NXPE1: variants seen among roughly 807,000 people sequenced by gnomAD.
NXPE1 encodes neurexophilin and PC-esterase domain family member 1, also known as NXPE family member 1.
A neutral mutation model predicts 33.3 loss-of-function variants in NXPE1; 31 were observed. That is an observed-to-expected ratio of 0.93 (90% CI 0.70 to 1.26). The LOEUF is 1.26. NXPE1 is among the 50% of genes most tolerant of loss of function. The pLI, the probability that NXPE1 is intolerant of heterozygous loss-of-function variation, is 0.00. For missense variants in NXPE1, 661 were observed against 655.6 expected, an observed-to-expected ratio of 1.01 and a Z score of -0.09; for synonymous variants, 229 against 231.4, an observed-to-expected ratio of 0.99 and a Z score of 0.09.
At chr11:114,522,625 T>C in intron 8 of NXPE1, 122 bp from the exon 9 acceptor site, 1 of 840,104 alleles carries the variant, frequency 1.2e-6, no homozygotes, top group Non-Finnish European at 1.8e-6. Flanking sequence ...GCCTTTCTAC[T>C]CTCTAGGGTA....
At chr11:114,542,864 T>C (rs1948148090) in intron 5 of NXPE1, among the ~76,000 whole-genome samples, 1 of 152,148 alleles carries the variant, frequency 6.6e-6, no homozygotes, top group South Asian at 2.1e-4. Flanking sequence ...TATGAAGACA[T>C]GAATATATAT....
chr11:114,528,769 G>C, intron 6 of NXPE1: 1 of 633,862 alleles, frequency 1.6e-6, no homozygotes, highest in Non-Finnish European at 2.9e-6. Flanking sequence ...GGACCCAGGT[G>C]CCAAGTATAA....
chr11:114,551,385 A>G, exon 4 of NXPE1: 1 of 1,373,368 alleles, frequency 7.3e-7, no homozygotes, highest in East Asian at 2.7e-5. Flanking sequence ...TTGTCTACCT[A>G]TTGGATACTT....
chr11:114,526,293 T>G (rs1382724076), intron 7 of NXPE1, among the ~76,000 whole-genome samples: 1 of 152,206 alleles, frequency 6.6e-6, no homozygotes, highest in Admixed American at 6.5e-5. Flanking sequence ...ATATTTTTGT[T>G]TTTTAAAGCC....
intron 5 of NXPE1, among the ~76,000 whole-genome samples, chr11:114,535,702 T>TA: frequency 6.6e-6 from 1 of 151,898 alleles, no homozygotes. Context: ...TACATAATGG[T>TA]AAAGGAATCA....
At chr11:114,534,612 C>T (rs1947723360) in intron 5 of NXPE1, among the ~76,000 whole-genome samples, 1 of 152,134 alleles carries the variant, frequency 6.6e-6, no homozygotes, top group Non-Finnish European at 1.5e-5. Context: ...AGCTGAAAAC[C>T]ACAGCACGAG....
chr11:114,533,681 C>G (rs1947677389), intron 5 of NXPE1, among the ~76,000 whole-genome samples: 1 of 152,228 alleles, frequency 6.6e-6, no homozygotes, highest in Non-Finnish European at 1.5e-5. Flanking sequence ...CGGAGCCTTG[C>G]TCATTGCTAG....
rs1332358992 is a variant in NXPE1, at chr11:114,530,332, A to G, written c.676T>C (p.Ser226Pro). 2.5e-6 allele frequency: 4 copies of G among 1,614,170 alleles called. No homozygotes were observed. The highest frequency in any genetic ancestry group is 2.5e-6 in the Non-Finnish European group (3 of 1,180,018). ...AGATATTCACAGAGTTCAGCATTTG[A>G]GTTTAGGGTCAGGCCACATTCAGTG... Residue 226 changes from serine (S) to proline (P), a missense_variant, in exon 6 of 9, where the codon TCA becomes CCA. Ser to Pro is a moderately conservative substitution (Grantham distance 74, BLOSUM62 -1). Transcript: ENST00000534921.
Position 114,554,413 on chromosome 11 carries a change from G to T in NXPE1, c.-210-1533C>A. On this transcript the variant is annotated intron_variant, in intron 1 of 8. Coordinates refer to ENST00000534921, the Ensembl canonical transcript of NXPE1. ...TGATGACAATATTCCAGAACAGGGG[G>T]TTCTTAAACATTCTTTGTGACATGG... is the stretch of plus-strand genomic sequence containing the variant. 5.1e-6 allele frequency: 5 copies of T among 983,790 alleles called. 1 individual carries two copies. The highest frequency in any genetic ancestry group is 9.4e-5 in the South Asian group (2 of 21,224). 60.9% of individuals were successfully genotyped at this position (983,790 alleles called of 1,614,324 possible). A position where few individuals can be genotyped will look rare whatever the true frequency, so the allele number is the denominator to read the frequency against.
chr11:114,552,571 T>C (rs1335976219), intron 2 of NXPE1, among the ~76,000 whole-genome samples: 1 of 151,844 alleles, frequency 6.6e-6, no homozygotes, highest in Non-Finnish European at 1.5e-5. Flanking sequence ...AAAAAGCATG[T>C]TCAATAGGAC....
intron 1 of NXPE1, among the ~76,000 whole-genome samples, chr11:114,557,292 C>G (rs977495172): frequency 1.3e-5 from 2 of 152,020 alleles, no homozygotes; most frequent in African/African-American, 2.4e-5. Context: ...AATTTCTACT[C>G]TATTTTGGAA....
rs1459811676 is a variant in NXPE1 at position 114,553,672 on chromosome 11, G to T, written c.-210-792C>A. ...ATGGCCAGATAATCTCATTTATTCC[G>T]AAATCAATGTCTCACCTAGATTCTA... On this transcript the variant is annotated intron_variant, in intron 1 of 8. Transcript: ENST00000534921. 1.3e-5 allele frequency: 13 copies of T among 970,826 alleles called. No homozygotes were observed. The African/African-American group carries it at 1.4e-4, about 10-fold the overall frequency. The allele number at this position is 970,826 out of a possible 1,614,324, so 60.1% of individuals were successfully genotyped here.
At chr11:114,540,885 T>TTTTTTTTTTTTTTTTTTTTTTTTG (rs754802719) in intron 5 of NXPE1, among the ~76,000 whole-genome samples, 1 of 81,242 alleles carries the variant, frequency 1.2e-5, no homozygotes, top group Non-Finnish European at 2.5e-5. Context: ...TTTTTTTTTT[T>TTTTTTTTTTTTTTTTTTTTTTTTG]GGCTTGAACA....
chr11:114,534,730 G>C (rs961907827), intron 5 of NXPE1, among the ~76,000 whole-genome samples: 4 of 152,068 alleles, frequency 2.6e-5, no homozygotes, highest in African/African-American at 7.2e-5. Flanking sequence ...AGAGAAGTTT[G>C]GAGAAAAAAG....
intron 5 of NXPE1, among the ~76,000 whole-genome samples, chr11:114,538,058 A>T (rs1429718535): frequency 6.6e-6 from 1 of 152,226 alleles, no homozygotes; most frequent in Non-Finnish European, 1.5e-5. Context: ...CCAAAACAGC[A>T]TGGTACTGGT....
chr11:114,537,137 A>G (rs1260212299), intron 5 of NXPE1, among the ~76,000 whole-genome samples: 21 of 152,234 alleles, frequency 1.4e-4, no homozygotes, highest in Admixed American at 1.2e-3. Flanking sequence ...TATGCAAATC[A>G]ATAAATGTAA....
chr11:114,525,530 G>T (rs1042334334), intron 7 of NXPE1, among the ~76,000 whole-genome samples: 1 of 152,000 alleles, frequency 6.6e-6, no homozygotes, highest in African/African-American at 2.4e-5. Context: ...CCAAAGCAAG[G>T]TTGGGAAAAA....
intron 2 of NXPE1, among the ~76,000 whole-genome samples, chr11:114,552,328 C>T (rs1948517167): frequency 6.6e-6 from 1 of 152,188 alleles, no homozygotes; most frequent in Admixed American, 6.5e-5. Context: ...AGGGGCAGCT[C>T]TAATTTGTGT....
intron 1 of NXPE1, among the ~76,000 whole-genome samples, chr11:114,558,123 G>A (rs1948701006): frequency 6.6e-6 from 1 of 151,600 alleles, no homozygotes; most frequent in African/African-American, 2.4e-5. Context: ...GAGACTATAA[G>A]CAAGTCTACT....
Sources: allele counts gnomAD v4.1 joint callset (sites outside exome capture counted in the v4.1 genomes callset), GRCh38; gene constraint gnomAD v4.1.1; transcripts MANE v1.5; gene names NCBI Gene and HGNC (gene_info 2026-07-23, HGNC 2026-07-21).